Variants in LRP6 observed in about 807,000 individuals in gnomAD.
LRP6 encodes the protein LDL receptor related protein 6.
In LRP6, 43 loss-of-function variants were observed where a neutral mutation model predicts 184.1. The ratio of observed to expected loss-of-function variants is 0.23; its 90% CI spans 0.18 to 0.30. The LOEUF is 0.30. Ranked by LOEUF, LRP6 falls within the 10% of genes least tolerant of loss-of-function variation. LRP6 has a pLI of 1.00. For synonymous variants in LRP6, 719 were observed against 684.9 expected, an observed-to-expected ratio of 1.05 and a Z score of -0.78; for missense variants, 1,571 against 2,005.3, an observed-to-expected ratio of 0.78 and a Z score of 4.14.
chr12:12,162,185 C>T lies in LRP6; in HGVS notation c.2279+8G>A, dbSNP rs1053620333. ...AGTTGCAAAGAATGCACATGTAAAG[C>T]TGTTTACCCTTCGGCAGGGTCCAAC... On this transcript the variant is annotated splice_region_variant and intron_variant, in intron 10 of 22. Coordinates refer to ENST00000261349, the MANE Select transcript of LRP6 (RefSeq NM_002336.3). 3 of 1,611,684 alleles carry T rather than the reference C, an allele frequency of 1.9e-6. No individual in the cohort carries two copies. The African/African-American group carries it at 4.0e-5, about 22-fold the overall frequency.
intron 1 of LRP6, among the ~76,000 whole-genome samples, chr12:12,253,334 T>G (rs1305475947): frequency 6.6e-6 from 1 of 152,218 alleles, no homozygotes; most frequent in East Asian, 1.9e-4. Flanking sequence ...TTTTTTGGGT[T>G]GATTTTAGTT....
chr12:12,226,087 C>T lies in LRP6; in HGVS notation c.449+18175G>A, dbSNP rs769789054. Among the ~76,000 whole-genome samples the T allele has an allele frequency of 3.3e-5, 5 of 152,144 alleles. No individual in the cohort carries two copies. The East Asian group carries it at 9.6e-4, about 29-fold the overall frequency. ...ATACTTAACTCCAGCCTCCTCTAAC[C>T]ATTCTGTCCCACCTAAGGGGATGAA... On this transcript the variant is annotated intron_variant, in intron 2 of 22. Transcript: ENST00000261349.
Position 12,138,481 on chromosome 12 carries a change from T to A in LRP6, c.3451A>T (p.Thr1151Ser). 6.2e-7 allele frequency: 1 copy of A among 1,614,152 alleles called. No homozygotes were observed. ...DSNILQPVGL[T>S]VFENWLYWID... ...CAATAGAGCCAGTTTTCAAACACAG[T>A]AAGTCCCACAGGCTGCAAGATATTG... The change falls in exon 16 of 23, where the codon ACT (threonine) becomes TCT (serine). Residue 1151 changes from threonine to serine, a missense_variant. Transcript: ENST00000261349.
chr12:12,209,653 C>T lies in LRP6; in HGVS notation c.450-6253G>A, dbSNP rs368114894. ...CTCATTACAAATGTAACCGAAAAAG[C>T]GATTAGGACACAGAAAATTTTTAAA... On this transcript the variant is annotated intron_variant, in intron 2 of 22. Transcript: ENST00000261349. Among the ~76,000 whole-genome samples the T allele has an allele frequency of 1.5e-4, 23 of 152,076 alleles. No individual in the cohort carries two copies. The East Asian group carries it at 2.3e-3, about 15-fold the overall frequency.
Position 12,119,866 on chromosome 12 carries a change from A to C in LRP6, c.*1260T>G, listed in dbSNP as rs1352975052. 6.6e-6 allele frequency: 1 copy of C among 151,276 alleles called. No homozygotes were observed. Among genetic ancestry groups the C allele is most frequent in the African/African-American group, 2.4e-5 (1 of 41,166 alleles). The allele number at this position is 151,276 out of a possible 1,614,324, so 9.4% of individuals were successfully genotyped here. ...ATTCTGAGAAAAACCGGTCTAAAGA[A>C]CATGAAAACATCACAAACTGTTAAT... On this transcript the variant is annotated 3_prime_UTR_variant, in exon 23 of 23. Transcript: ENST00000261349.
rs10845489 is a variant in LRP6 at position 12,161,874 on chromosome 12, G to A, written c.2279+319C>T. Among the ~76,000 whole-genome samples, 61,681 of 151,738 alleles carry A rather than the reference G, an allele frequency of 0.41. 14,892 individuals are homozygous for A. The highest frequency in any genetic ancestry group is 0.8 in the East Asian group (4,157 of 5,168). On this transcript the variant is annotated intron_variant, in intron 10 of 22. Coordinates refer to ENST00000261349, the MANE Select transcript of LRP6 (RefSeq NM_002336.3). ...TAGGCTTGGAATCTAGTATAACTGG[G>A]AAGGAGTGCAAGCAACTACAGATGG... is the stretch of plus-strand genomic sequence containing the variant.
chr12:12,205,325 C>CAAAAAAAAAAAAAA lies in LRP6; in HGVS notation c.450-1926_450-1925insTTTTTTTTTTTTTT, dbSNP rs1334062234. On this transcript the variant is annotated intron_variant, in intron 2 of 22. Coordinates refer to ENST00000261349, the MANE Select transcript of LRP6 (RefSeq NM_002336.3). ...CAACAGAATAAGACTCTGTCTCAAA[C>CAAAAAAAAAAAAAA]AAACAAAAAAAAAAAAAAAAAAAAA... 7.6e-4 allele frequency among the ~76,000 whole-genome samples: 20 copies of CAAAAAAAAAAAAAA among 26,238 alleles called. 2 individuals carry two copies. Among genetic ancestry groups the CAAAAAAAAAAAAAA allele is most frequent in the African/African-American group, 1.9e-3 (20 of 10,474 alleles). The allele number at this position is 26,238 out of a possible 152,430, so 17.2% of individuals were successfully genotyped here. A position where few individuals can be genotyped will look rare whatever the true frequency, so the allele number is the denominator to read the frequency against.
In LRP6 at chr12:12,117,141, C is replaced by G. The variant is rs1056992372; in HGVS notation, c.*3985G>C. 44 of 152,296 alleles carry G rather than the reference C, an allele frequency of 2.9e-4. No homozygotes were observed. Among genetic ancestry groups the G allele is most frequent in the Admixed American group, 7.2e-4 (11 of 15,290 alleles). 9.4% of individuals were successfully genotyped at this position (152,296 alleles called of 1,614,324 possible). ...AATCATCTTTCACTACAAGTACTTTCTAAAATCATCTTTCTCTTGGTTCAT... is the reference window on the plus strand; with the variant it reads ...AATCATCTTTCACTACAAGTACTTTGTAAAATCATCTTTCTCTTGGTTCAT... On this transcript the variant is annotated 3_prime_UTR_variant, in exon 23 of 23. Coordinates refer to ENST00000261349, the MANE Select transcript of LRP6 (RefSeq NM_002336.3).
chr12:12,118,262 C>T lies in LRP6; in HGVS notation c.*2864G>A, dbSNP rs1380409097. The T allele has an allele frequency of 6.6e-6, 1 of 152,160 alleles. No homozygotes were observed. Among genetic ancestry groups the T allele is most frequent in the East Asian group, 1.9e-4 (1 of 5,194 alleles). 9.4% of individuals were successfully genotyped at this position (152,160 alleles called of 1,614,324 possible). On this transcript the variant is annotated 3_prime_UTR_variant, in exon 23 of 23. Coordinates refer to ENST00000261349, the MANE Select transcript of LRP6 (RefSeq NM_002336.3). ...TATCTGACTTAAGCAAACAAAACTC[C>T]TTAAGTCACTATTCAGAAGACCACG...
chr12:12,144,961 T>C (rs1949982092), intron 15 of LRP6, among the ~76,000 whole-genome samples: 1 of 152,024 alleles, frequency 6.6e-6, no homozygotes, highest in Non-Finnish European at 1.5e-5. Flanking sequence ...ATACCTAATG[T>C]AAATTACTAG....
At position 12,127,025 on chromosome 12, in the gene LRP6, A is replaced by C; in HGVS notation, c.4082-104T>G. 3 of 914,534 alleles carry C rather than the reference A, an allele frequency of 3.3e-6. No homozygotes were observed. In the South Asian group the frequency reaches 4.2e-5, roughly 13 times the overall value. The allele number at this position is 914,534 out of a possible 1,614,324, so 56.7% of individuals were successfully genotyped here. A position where few individuals can be genotyped will look rare whatever the true frequency, so the allele number is the denominator to read the frequency against. The stretch of plus-strand genomic sequence containing the variant: ...TAATAGGATGTGAAGCTATAAGCCT[A>C]ATGAAGATAATTCATAAACACTTTT... On this transcript the variant is annotated intron_variant, in intron 19 of 22. Coordinates refer to ENST00000261349, the MANE Select transcript of LRP6 (RefSeq NM_002336.3).
intron 2 of LRP6, among the ~76,000 whole-genome samples, chr12:12,204,792 CT>C (rs1275121620): frequency 1.4e-5 from 2 of 143,886 alleles, no homozygotes; most frequent in Non-Finnish European, 3.0e-5. Flanking sequence ...CCCATCTCTA[CT>C]AAAAATACAA....
intron 2 of LRP6, 76 bp downstream of exon 2, chr12:12,244,186 G>A (rs1209325231): frequency 2.1e-6 from 3 of 1,401,742 alleles, no homozygotes; most frequent in Non-Finnish European, 3.0e-6. Flanking sequence ...TTCTCATAGG[G>A]GTCAGGGTGG....
intron 13 of LRP6, among the ~76,000 whole-genome samples, chr12:12,150,105 G>A (rs1042588882): frequency 9.2e-5 from 14 of 152,036 alleles, no homozygotes; most frequent in African/African-American, 3.1e-4. Context: ...TCACTGCTAT[G>A]AGGATGACAA....
At chr12:12,219,455 A>G (rs1030289421) in intron 2 of LRP6, among the ~76,000 whole-genome samples, 8 of 152,128 alleles carry the variant, frequency 5.3e-5, no homozygotes, top group African/African-American at 1.9e-4. Flanking sequence ...CGCCCACCTC[A>G]GCCTCCCAAA....
At chr12:12,155,222 T>A (rs971012341) in intron 12 of LRP6, 4 of 673,154 alleles carry the variant, frequency 5.9e-6, no homozygotes, top group African/African-American at 5.4e-5. Context: ...AAACAAAAAG[T>A]CTTTCAGCCA....
At chr12:12,133,069 G>A (rs1019331463) in intron 17 of LRP6, among the ~76,000 whole-genome samples, 17 of 152,178 alleles carry the variant, frequency 1.1e-4, no homozygotes, top group Admixed American at 5.2e-4. Context: ...TATTTAATAA[G>A]AGCCTATTAT....
Position 12,130,838 on chromosome 12 carries a change from G to A in LRP6, c.4026C>T (p.His1342=), listed in dbSNP as rs369634317. The A allele has an allele frequency of 3.1e-5, 50 of 1,613,626 alleles. No individual in the cohort carries two copies. The highest frequency in any genetic ancestry group is 4.1e-5 in the Non-Finnish European group (48 of 1,179,772). The change falls in exon 19 of 23, where the codon CAC becomes CAT. Residue 1342 remains histidine (H), a synonymous_variant. Coordinates refer to ENST00000261349, the MANE Select transcript of LRP6 (RefSeq NM_002336.3). ...RCANGQCIGK[H]KKCDHNVDCS... Reference sequence around the variant, plus strand: ...AATCCACATTATGATCACACTTCTTGTGCTTTCCAATGCACTGACCATTGG... The same window carrying A: ...AATCCACATTATGATCACACTTCTTATGCTTTCCAATGCACTGACCATTGG...
At chr12:12,179,747 T>C (rs974016241) in intron 7 of LRP6, 63 bp downstream of exon 7, 5 of 1,549,952 alleles carry the variant, frequency 3.2e-6, no homozygotes, top group Middle Eastern at 1.7e-4. Flanking sequence ...ACTCAAATCA[T>C]TATACTGTCG....
Sources: allele counts gnomAD v4.1 joint callset (sites outside exome capture counted in the v4.1 genomes callset), GRCh38; gene constraint gnomAD v4.1.1; transcripts MANE v1.5; gene names NCBI Gene and HGNC (gene_info 2026-07-23, HGNC 2026-07-21).